The following DENND2B variants were observed in gnomAD, a reference collection of about 807,000 sequenced individuals.
DENND2B encodes the protein DENN domain containing 2B.
A neutral mutation model predicts 116.0 loss-of-function variants in DENND2B; 32 were observed. The observed-to-expected ratio is 0.28, with a 90% CI of 0.21 to 0.37. The LOEUF (loss-of-function observed/expected upper bound fraction) is 0.37, where lower values mean the gene tolerates loss of function less well. Ranked by LOEUF, DENND2B falls within the 10% of genes least tolerant of loss-of-function variation. The pLI, the probability that DENND2B is intolerant of heterozygous loss-of-function variation, is 1.00. For synonymous variants in DENND2B, 588 were observed against 583.9 expected (o/e 1.01, Z -0.10); for missense variants, 1,276 against 1,477.7 (o/e 0.86, Z 2.24).
intron 1 of DENND2B, chr11:8,787,295 C>G (rs953835863): frequency 6.6e-6 from 1 of 152,070 alleles, no homozygotes; most frequent in Non-Finnish European, 1.5e-5. Context: ...AAGTAAGTAT[C>G]ATCATCCTCA....
chr11:8,759,976 C>G (rs1341739641), intron 1 of DENND2B, among the ~76,000 whole-genome samples: 1 of 152,218 alleles, frequency 6.6e-6, no homozygotes, highest in African/African-American at 2.4e-5. Flanking sequence ...GCACTTGTGT[C>G]TTCTGGATCC....
rs1312445847 is a variant in DENND2B at position 8,707,792 on chromosome 11, G to A, written c.2415C>T (p.Phe805=). The A allele has an allele frequency of 5.0e-6, 8 of 1,610,248 alleles. No individual in the cohort carries two copies. Among genetic ancestry groups the A allele is most frequent in the South Asian group, 1.1e-5 (1 of 90,058 alleles). ...VYCVISRLGC[F]GLFSKVLDEV... ...AGCCTCTTACCTTGGAAAACAAGCC[G>A]AAGCAGCCAAGGCGGCTGATGACAC... The change falls in exon 12 of 20, where the codon TTC becomes TTT. Residue 805 remains phenylalanine, a synonymous_variant. Transcript: ENST00000313726. This position sits in a 1 kb window ranked among gnomAD's most constrained non-coding sequence, Gnocchi z 4.8.
At chr11:8,709,163 C>T (rs2043162328) in intron 11 of DENND2B, among the ~76,000 whole-genome samples, 1 of 152,232 alleles carries the variant, frequency 6.6e-6, no homozygotes. Context: ...TTTCAGTCTC[C>T]AAACCTGCTG....
At chr11:8,790,712 T>C (rs952713117) in intron 1 of DENND2B, among the ~76,000 whole-genome samples, 75 of 152,234 alleles carry the variant, frequency 4.9e-4, no homozygotes, top group African/African-American at 1.8e-3. Context: ...GAGGCTGCAG[T>C]GAGGTGTGAT....
chr11:8,737,953 T>G (rs1420907766), intron 2 of DENND2B, among the ~76,000 whole-genome samples: 1 of 152,016 alleles, frequency 6.6e-6, no homozygotes, highest in East Asian at 1.9e-4. Flanking sequence ...CTCACTATGT[T>G]GCCCAGATAG....
chr11:8,822,674 G>A (rs1428550058), intron 4 of DENND2B, among the ~76,000 whole-genome samples: 1 of 152,170 alleles, frequency 6.6e-6, no homozygotes, highest in Non-Finnish European at 1.5e-5. Context: ...TTTCCCTTTC[G>A]AACTCTGCAG....
At chr11:8,753,368 C>A in intron 1 of DENND2B, among the ~76,000 whole-genome samples, 1 of 151,974 alleles carries the variant, frequency 6.6e-6, no homozygotes, top group East Asian at 1.9e-4. Context: ...AAAAGGAATG[C>A]AAGACATGTA....
chr11:8,816,867 C>A (rs1176280783), intron 4 of DENND2B, among the ~76,000 whole-genome samples: 1 of 152,186 alleles, frequency 6.6e-6, no homozygotes, highest in Non-Finnish European at 1.5e-5. Context: ...TTCGGCTTGA[C>A]TGTCCTACTG....
At chr11:8,904,563 G>A (rs974021391) in intron 1 of DENND2B, among the ~76,000 whole-genome samples, 5 of 152,132 alleles carry the variant, frequency 3.3e-5, no homozygotes, top group Non-Finnish European at 5.9e-5. Context: ...TTGTACTACA[G>A]GTTCAAGCCA....
At position 8,707,831 on chromosome 11, in the gene DENND2B, C is replaced by A; in HGVS notation, c.2376G>T (p.Leu792Phe). ...GGCTGATGACACAGTACACCTCTGG[C>A]AACCGGGGCCCTTTCCCACTTGGCT... ...RLLPSGKGPRLPEVYCVISRL... is the reference protein window; with the variant it reads ...RLLPSGKGPRFPEVYCVISRL... The change falls in exon 12 of 20, where the codon TTG becomes TTT. Residue 792 changes from leucine (L) to phenylalanine (F), a missense_variant. Leu to Phe is a conservative substitution (Grantham distance 22, BLOSUM62 0). Around this residue, in one of 2 missense-constraint regions of DENND2B, gnomAD observed 420 missense variants for 631.1 expected, o/e 0.67. Transcript: ENST00000313726. The surrounding 1 kb of genome is among the most constrained non-coding windows in gnomAD (Gnocchi z 4.8). 5.0e-6 allele frequency: 8 copies of A among 1,611,276 alleles called. No individual in the cohort carries two copies. The highest frequency in any genetic ancestry group is 6.8e-6 in the Non-Finnish European group (8 of 1,178,946).
At chr11:8,768,247 A>C (rs965541150) in intron 1 of DENND2B, among the ~76,000 whole-genome samples, 10 of 151,828 alleles carry the variant, frequency 6.6e-5, no homozygotes, top group African/African-American at 2.4e-4. Flanking sequence ...TCTTTAATTT[A>C]TTTATTTATT....
chr11:8,883,986 T>C (rs79169764), intron 1 of DENND2B, among the ~76,000 whole-genome samples: 3,157 of 152,314 alleles, frequency 0.021, 45 homozygotes, highest in Middle Eastern at 0.034. Flanking sequence ...CTGCCCTCAA[T>C]GGTTCTATAG....
chr11:8,761,637 TG>T (rs2054655685), intron 1 of DENND2B, among the ~76,000 whole-genome samples: 1 of 152,180 alleles, frequency 6.6e-6, no homozygotes, highest in African/African-American at 2.4e-5. Flanking sequence ...CCAGTTCAAG[TG>T]TCAACTTCTT....
upstream of DENND2B, among the ~76,000 whole-genome samples, chr11:8,813,661 CA>C (rs1419043719): frequency 1.3e-5 from 2 of 152,220 alleles, no homozygotes; most frequent in East Asian, 3.9e-4. Context: ...TATGAGGGGC[CA>C]GGGGTCAGGA....
chr11:8,895,258 G>T (rs1481028352), intron 1 of DENND2B, among the ~76,000 whole-genome samples: 1 of 152,108 alleles, frequency 6.6e-6, no homozygotes, highest in African/African-American at 2.4e-5. Context: ...GTGGGGTAGG[G>T]GGGTGGGAGG....
At chr11:8,776,667 G>C (rs188802871) in intron 1 of DENND2B, 7 of 190,644 alleles carry the variant, frequency 3.7e-5, no homozygotes, top group Admixed American at 3.2e-4. Flanking sequence ...CCACGGCCTA[G>C]TGGCTTAGAA....
intron 5 of DENND2B, among the ~76,000 whole-genome samples, chr11:8,716,119 G>A (rs984293157): frequency 6.6e-6 from 1 of 152,186 alleles, no homozygotes; most frequent in African/African-American, 2.4e-5. Flanking sequence ...AATTTTGCGG[G>A]GGTCCTCCTG....
intron 4 of DENND2B, among the ~76,000 whole-genome samples, chr11:8,723,965 A>C (rs2046631781): frequency 6.6e-6 from 1 of 152,204 alleles, no homozygotes; most frequent in Non-Finnish European, 1.5e-5. Flanking sequence ...CGGCTGTGAA[A>C]CCAATGGCTC....
At chr11:8,809,374 C>G (rs1231360579) in intron 1 of DENND2B, 2 of 152,178 alleles carry the variant, frequency 1.3e-5, no homozygotes, top group Non-Finnish European at 2.9e-5. Context: ...ACTGAAGAAC[C>G]AGGACAGCAG....
Sources: allele counts gnomAD v4.1 joint callset (sites outside exome capture counted in the v4.1 genomes callset), GRCh38; gene constraint gnomAD v4.1.1; regional missense constraint gnomAD v4.1.1; non-coding constraint Gnocchi (gnomAD v3.1); transcripts MANE v1.5; gene names NCBI Gene and HGNC (gene_info 2026-07-23, HGNC 2026-07-21).